CADM2: variants seen among roughly 807,000 people sequenced by gnomAD.
The protein encoded by CADM2 is cell adhesion molecule 2, also known as immunoglobulin superfamily member 4D.
A neutral mutation model predicts 49.8 loss-of-function variants in CADM2; 12 were observed. The ratio of observed to expected loss-of-function variants is 0.24; its 90% CI spans 0.15 to 0.39. The LOEUF (loss-of-function observed/expected upper bound fraction) is 0.39. Ranked by LOEUF, CADM2 falls within the 10% of genes least tolerant of loss-of-function variation. The pLI, the probability that CADM2 is intolerant of heterozygous loss-of-function variation, is 1.00. For missense variants in CADM2, 378 were observed against 492.3 expected (o/e 0.77, Z 2.20); for synonymous variants, 214 against 175.4 (o/e 1.22, Z -1.74).
At chr3:84,973,147 A>C (rs1431351887) in intron 1 of CADM2, among the ~76,000 whole-genome samples, 8 of 152,310 alleles carry the variant, frequency 5.3e-5, no homozygotes, top group African/African-American at 1.9e-4. Flanking sequence ...TCCTGGCCTC[A>C]GGTGATCCGC....
chr3:85,912,582 C>A (rs201403660), intron 6 of CADM2, 39 bp downstream of exon 6: 2 of 1,567,488 alleles, frequency 1.3e-6, no homozygotes, highest in East Asian at 2.3e-5. Flanking sequence ...ATCTCAGCAG[C>A]AAATCTCTTC....
intron 3 of CADM2, among the ~76,000 whole-genome samples, chr3:85,862,694 A>T (rs1206432511): frequency 6.6e-6 from 1 of 152,150 alleles, no homozygotes; most frequent in Non-Finnish European, 1.5e-5. Context: ...TTACTAGATT[A>T]TTTTGACTAT....
chr3:85,636,127 C>T (rs925623355), intron 1 of CADM2, among the ~76,000 whole-genome samples: 1 of 152,148 alleles, frequency 6.6e-6, no homozygotes, highest in Non-Finnish European at 1.5e-5. Context: ...AGCTGTAGAA[C>T]AGCCTCAGGC....
At chr3:85,215,375 A>G (rs938206984) in intron 1 of CADM2, among the ~76,000 whole-genome samples, 3 of 151,306 alleles carry the variant, frequency 2.0e-5, no homozygotes, top group Non-Finnish European at 1.5e-5. Flanking sequence ...AAAAAAAAAA[A>G]AAAAAAAGAA....
At chr3:85,681,355 A>G (rs962509174) in intron 1 of CADM2, among the ~76,000 whole-genome samples, 6 of 152,152 alleles carry the variant, frequency 3.9e-5, no homozygotes, top group Non-Finnish European at 1.5e-5. Flanking sequence ...AAGAATATCA[A>G]TTTTGCAAGT....
chr3:85,421,828 C>A (rs932401628), intron 1 of CADM2, among the ~76,000 whole-genome samples: 1 of 152,212 alleles, frequency 6.6e-6, no homozygotes, highest in African/African-American at 2.4e-5. Flanking sequence ...CAAGTAAATA[C>A]AGCATTCTGT....
chr3:85,813,898 A>G (rs2073041806), intron 3 of CADM2, among the ~76,000 whole-genome samples: 1 of 152,004 alleles, frequency 6.6e-6, no homozygotes, highest in Admixed American at 6.6e-5. Context: ...ATTGGTCTGT[A>G]TATCTGTTTT....
At chr3:85,275,089 G>A (rs1416953970) in intron 1 of CADM2, among the ~76,000 whole-genome samples, 1 of 151,384 alleles carries the variant, frequency 6.6e-6, no homozygotes, top group Non-Finnish European at 1.5e-5. Flanking sequence ...AGTATATTAA[G>A]GCCATTTTAA....
intron 3 of CADM2, among the ~76,000 whole-genome samples, chr3:85,879,521 C>T (rs1712417641): frequency 6.6e-6 from 1 of 152,094 alleles, no homozygotes; most frequent in African/African-American, 2.4e-5. Flanking sequence ...GCTCCTCTCA[C>T]AAAGCACATA....
chr3:85,416,204 T>G (rs2035912437), intron 1 of CADM2, among the ~76,000 whole-genome samples: 1 of 152,096 alleles, frequency 6.6e-6, no homozygotes, highest in Non-Finnish European at 1.5e-5. Flanking sequence ...CAAACCTGTT[T>G]CCAGAGTTTT....
In CADM2 at chr3:85,699,172, G is replaced by T. The variant is rs551715320; in HGVS notation, c.62-27350G>T. Among the ~76,000 whole-genome samples, 70 of 152,274 alleles carry T rather than the reference G, an allele frequency of 4.6e-4. 1 individual carries two copies. The highest frequency in any genetic ancestry group is 1.6e-3 in the African/African-American group (68 of 41,560). On this transcript the variant is annotated intron_variant, in intron 1 of 9. Transcript: ENST00000383699. ...CATGACACGCTGGTGCAAGGGATGG[G>T]CTCCCAAAGCCTTGGACAGCTCTGC... is the stretch of plus-strand genomic sequence containing the variant.
chr3:85,494,218 T>C (rs985763144), intron 1 of CADM2, among the ~76,000 whole-genome samples: 2 of 152,170 alleles, frequency 1.3e-5, no homozygotes. Flanking sequence ...TACGTTTAAG[T>C]AAAATTTAAC....
intron 1 of CADM2, among the ~76,000 whole-genome samples, chr3:85,219,082 A>G (rs1164232539): frequency 6.6e-6 from 1 of 152,194 alleles, no homozygotes; most frequent in Admixed American, 6.5e-5. Flanking sequence ...AGAGAAAAAC[A>G]TAGAATGCAT....
intron 1 of CADM2, among the ~76,000 whole-genome samples, chr3:85,400,975 C>T (rs1330536300): frequency 6.6e-6 from 1 of 152,206 alleles, no homozygotes; most frequent in African/African-American, 2.4e-5. Flanking sequence ...AAATCCCCTC[C>T]CGGCTGCTGC....
chr3:85,092,816 C>T (rs1223561044), intron 1 of CADM2, among the ~76,000 whole-genome samples: 2 of 152,136 alleles, frequency 1.3e-5, no homozygotes, highest in African/African-American at 2.4e-5. Flanking sequence ...GTCTAAAACT[C>T]TCCAGTGATT....
intron 1 of CADM2, among the ~76,000 whole-genome samples, chr3:85,598,325 A>T (rs2063301793): frequency 7.5e-6 from 1 of 133,944 alleles, no homozygotes; most frequent in African/African-American, 2.5e-5. Flanking sequence ...AAACGTGAAG[A>T]AACCCTGAAA....
intron 1 of CADM2, among the ~76,000 whole-genome samples, chr3:85,460,517 A>G (rs2038196688): frequency 6.6e-6 from 1 of 152,126 alleles, no homozygotes; most frequent in Admixed American, 6.6e-5. Context: ...AAGTTTTTGA[A>G]GGAGGTATGA....
chr3:85,846,618 A>T (rs76762717), intron 3 of CADM2, among the ~76,000 whole-genome samples: 5,170 of 152,212 alleles, frequency 0.034, 301 homozygotes, highest in African/African-American at 0.12. Context: ...TGTAATCCCC[A>T]CACTATGAGA....
intron 1 of CADM2, among the ~76,000 whole-genome samples, chr3:85,463,075 C>T (rs977762784): frequency 2.1e-4 from 32 of 152,168 alleles, no homozygotes; most frequent in African/African-American, 5.5e-4. Flanking sequence ...GCCATATGAC[C>T]GCTTAGATTC....
Sources: allele counts gnomAD v4.1 joint callset (sites outside exome capture counted in the v4.1 genomes callset), GRCh38; gene constraint gnomAD v4.1.1; transcripts MANE v1.5; gene names NCBI Gene and HGNC (gene_info 2026-07-23, HGNC 2026-07-21).